The following LHFPL3 variants were observed in gnomAD, a reference collection of about 807,000 sequenced individuals.
The protein encoded by LHFPL3 is LHFPL tetraspan subfamily member 3 protein.
LHFPL3 carries 5 observed loss-of-function variants against 19.3 expected under a neutral mutation model. The ratio of observed to expected loss-of-function variants is 0.26; its 90% CI spans 0.14 to 0.54. The LOEUF is 0.54. LHFPL3 is among the 20% of genes least tolerant of loss of function. LHFPL3 has a pLI of 0.94. For missense variants in LHFPL3, 249 were observed against 307.4 expected (o/e 0.81, Z 1.42); for synonymous variants, 133 against 126.2 (o/e 1.05, Z -0.36).
intron 2 of LHFPL3, chr7:104,826,484 C>A: frequency 6.1e-6 from 1 of 163,830 alleles, no homozygotes. Flanking sequence ...CTTACCTGGC[C>A]CAAATCCTAG....
chr7:104,538,032 A>C (rs188582821), intron 1 of LHFPL3, among the ~76,000 whole-genome samples: 1 of 152,310 alleles, frequency 6.6e-6, no homozygotes, highest in East Asian at 1.9e-4. Flanking sequence ...CATGCTAGAA[A>C]AAAAACTCTG....
chr7:104,732,153 A>G (rs1045800486), intron 1 of LHFPL3, among the ~76,000 whole-genome samples: 7 of 152,086 alleles, frequency 4.6e-5, no homozygotes, highest in Admixed American at 1.3e-4. Context: ...TTTTTGCATC[A>G]ATGTTCATCA....
intron 2 of LHFPL3, among the ~76,000 whole-genome samples, chr7:104,809,591 C>A (rs765628520): frequency 6.6e-6 from 1 of 152,060 alleles, no homozygotes; most frequent in Admixed American, 6.5e-5. Context: ...AATAACAGCA[C>A]CTTTAATTTT....
intron 2 of LHFPL3, among the ~76,000 whole-genome samples, chr7:104,790,323 T>C (rs986523733): frequency 6.6e-6 from 1 of 152,120 alleles, no homozygotes; most frequent in African/African-American, 2.4e-5. Flanking sequence ...CCTTTTTCAC[T>C]CCCCAGGGAG....
chr7:104,521,838 T>C (rs1794070302), intron 1 of LHFPL3, among the ~76,000 whole-genome samples: 1 of 152,106 alleles, frequency 6.6e-6, no homozygotes. Flanking sequence ...CACAATGAGA[T>C]ACCATCTCAC....
chr7:104,367,408 T>C (rs752542456), intron 1 of LHFPL3, among the ~76,000 whole-genome samples: 1 of 152,224 alleles, frequency 6.6e-6, no homozygotes, highest in Non-Finnish European at 1.5e-5. Context: ...TTTCTTACTC[T>C]CCTATTTCCA....
At chr7:104,536,860 C>A (rs1194173402) in intron 1 of LHFPL3, among the ~76,000 whole-genome samples, 2 of 152,152 alleles carry the variant, frequency 1.3e-5, no homozygotes, top group Non-Finnish European at 2.9e-5. Context: ...GAAAGTGCCA[C>A]AAAATTTCAA....
intron 2 of LHFPL3, among the ~76,000 whole-genome samples, chr7:104,898,394 G>A (rs1792409768): frequency 2.0e-5 from 3 of 152,112 alleles, no homozygotes; most frequent in Admixed American, 2.0e-4. Flanking sequence ...TAAGAGGACT[G>A]GGCAGCACCA....
intron 1 of LHFPL3, among the ~76,000 whole-genome samples, chr7:104,704,653 T>C (rs10280837): frequency 0.98 from 144,743 of 147,132 alleles, 71,234 homozygotes; most frequent in East Asian, 1. Flanking sequence ...TTTTTTTTTT[T>C]TTGACAGGGT....
At chr7:104,460,693 G>T (rs138581830) in intron 1 of LHFPL3, among the ~76,000 whole-genome samples, 346 of 151,804 alleles carry the variant, frequency 2.3e-3, no homozygotes, top group Middle Eastern at 6.8e-3. Flanking sequence ...TTTTTAATGG[G>T]GTTATTTGTT....
At chr7:104,666,629 C>A (rs977594272) in intron 1 of LHFPL3, among the ~76,000 whole-genome samples, 3 of 145,332 alleles carry the variant, frequency 2.1e-5, no homozygotes, top group Non-Finnish European at 3.0e-5. Flanking sequence ...TCACGCCATT[C>A]TCCTGCCTCA....
intron 1 of LHFPL3, among the ~76,000 whole-genome samples, chr7:104,540,437 C>T (rs987631751): frequency 1.8e-4 from 28 of 152,106 alleles, no homozygotes; most frequent in Non-Finnish European, 4.1e-4. Flanking sequence ...CTACTGGGTA[C>T]AGGCCATCCT....
chr7:104,438,989 A>G (rs1165547756), intron 1 of LHFPL3, among the ~76,000 whole-genome samples: 14 of 152,222 alleles, frequency 9.2e-5, no homozygotes, highest in Non-Finnish European at 7.3e-5. Context: ...AACAACTTAG[A>G]TGAAATTGAC....
Position 104,399,456 on chromosome 7 carries a change from TTTTG to T in LHFPL3, c.445+70245_445+70248del, listed in dbSNP as rs975700233. ...TGTTTTTTTTTGTTTTTTAGGTTTT[TTTTG>T]TTTGTTTGTTTGAGATGGAGTCTTG... On this transcript the variant is annotated intron_variant, in intron 1 of 2. Coordinates refer to ENST00000424859, the MANE Select transcript of LHFPL3 (RefSeq NM_199000.3). This position sits in a 1 kb window ranked among gnomAD's most constrained non-coding sequence, Gnocchi z 4.4. Among the ~76,000 whole-genome samples, 4 of 151,848 alleles carry T rather than the reference TTTTG, an allele frequency of 2.6e-5. No homozygotes were observed. Among genetic ancestry groups the T allele is most frequent in the South Asian group, 2.1e-4 (1 of 4,816 alleles).
At chr7:104,368,605 G>A (rs1193813973) in intron 1 of LHFPL3, among the ~76,000 whole-genome samples, 3 of 151,278 alleles carry the variant, frequency 2.0e-5, no homozygotes, top group Non-Finnish European at 4.4e-5. Context: ...CCTGACTTTC[G>A]GCCTTAGCAT....
intron 1 of LHFPL3, among the ~76,000 whole-genome samples, chr7:104,566,390 C>T (rs1790125883): frequency 6.6e-6 from 1 of 152,208 alleles, no homozygotes; most frequent in Middle Eastern, 3.4e-3. Flanking sequence ...ACATCTCACC[C>T]TCAGCATCCA....
At chr7:104,342,631 G>A (rs1789980365) in intron 1 of LHFPL3, among the ~76,000 whole-genome samples, 2 of 152,170 alleles carry the variant, frequency 1.3e-5, no homozygotes, top group African/African-American at 4.8e-5. Flanking sequence ...AACCTGAAGT[G>A]CAGAAAGTTC....
chr7:104,649,228 C>T (rs1441610401), intron 1 of LHFPL3, among the ~76,000 whole-genome samples: 2 of 152,194 alleles, frequency 1.3e-5, no homozygotes, highest in Non-Finnish European at 2.9e-5. Flanking sequence ...TTCACAGACA[C>T]CTGAGGAACT....
chr7:104,656,400 A>T (rs985792346), intron 1 of LHFPL3, among the ~76,000 whole-genome samples: 4 of 152,178 alleles, frequency 2.6e-5, no homozygotes, highest in Admixed American at 6.5e-5. Flanking sequence ...GGGGAAAAAA[A>T]TGTCTTTGGG....
Sources: gnomAD v4.1 joint callset for allele counts (sites outside exome capture counted in the v4.1 genomes callset) on GRCh38, gnomAD v4.1.1 for gene constraint, Gnocchi (gnomAD v3.1) non-coding constraint, MANE v1.5 for transcripts, NCBI Gene and HGNC (gene_info 2026-07-23, HGNC 2026-07-21) for gene names.